Variants in MAN1B1 observed in about 807,000 individuals in gnomAD.
MAN1B1 encodes mannosidase alpha class 1B member 1.
MAN1B1 carries 66 observed loss-of-function variants against 75.5 expected under a neutral mutation model. The observed-to-expected ratio is 0.87, with a 90% CI of 0.72 to 1.07. The LOEUF is 1.07. MAN1B1 is among the 50% of genes least tolerant of loss of function. The pLI, the probability that MAN1B1 is intolerant of heterozygous loss-of-function variation, is 0.00. For missense variants in MAN1B1, 973 were observed against 912.5 expected, an observed-to-expected ratio of 1.07 and a Z score of -0.85; for synonymous variants, 453 against 382.8, an observed-to-expected ratio of 1.18 and a Z score of -2.14.
chr9:137,104,428 T>G (rs1390598759), intron 8 of MAN1B1: 3 of 289,504 alleles, frequency 1.0e-5, no homozygotes, highest in Non-Finnish European at 2.0e-5. Flanking sequence ...AGAGACAGGG[T>G]TTCACCAAGT....
intron 4 of MAN1B1, 66 bp downstream of exon 4, chr9:137,096,457 G>A (rs563678040): frequency 1.2e-5 from 19 of 1,553,138 alleles, no homozygotes; most frequent in East Asian, 7.1e-5. Context: ...ACAAGATTGC[G>A]GAAACGCATT....
In MAN1B1 at chr9:137,108,650, G is replaced by A; in HGVS notation, c.*59G>A. ...GGCAGAGGCACCTTGCTGGGTCTGT[G>A]GCATTTTCCAAGGGCCCACGTAGCA... On this transcript the variant is annotated 3_prime_UTR_variant, in exon 13 of 13. Coordinates refer to ENST00000371589, the MANE Select transcript of MAN1B1 (RefSeq NM_016219.5). 1 of 1,553,908 alleles carries A rather than the reference G, an allele frequency of 6.4e-7. No homozygotes were observed. The highest frequency in any genetic ancestry group is 8.9e-7 in the Non-Finnish European group (1 of 1,126,752).
At position 137,106,806 on chromosome 9, in the gene MAN1B1, G is replaced by A; in HGVS notation, c.1563G>A (p.Lys521=). The change falls in exon 10 of 13, where the codon AAG becomes AAA. Residue 521 remains lysine (K), a synonymous_variant. Transcript: ENST00000371589. ...GELAHGRFSA[K]MDHLVCFLPG... ...TTGCCCACGGCCGCTTCAGTGCCAA[G>A]ATGGTGAGTGTGTCTGCGGGGCCTT... is the stretch of plus-strand genomic sequence containing the variant. 6.2e-7 allele frequency: 1 copy of A among 1,613,292 alleles called. No individual in the cohort carries two copies. Among genetic ancestry groups the A allele is most frequent in the South Asian group, 1.1e-5 (1 of 91,088 alleles).
intron 6 of MAN1B1, among the ~76,000 whole-genome samples, 167 bp downstream of exon 6, chr9:137,100,048 C>G (rs922302842): frequency 1.3e-5 from 2 of 152,212 alleles, no homozygotes; most frequent in Non-Finnish European, 2.9e-5. Flanking sequence ...AGTTCCTGTT[C>G]TTGTCCAGCC....
chr9:137,107,122 C>T (rs1831139599), intron 10 of MAN1B1, 128 bp from the exon 11 acceptor site: 2 of 1,017,886 alleles, frequency 2.0e-6, no homozygotes, highest in Non-Finnish European at 2.9e-6. Context: ...GCCAAGTGCC[C>T]TCGCGTGGCC....
intron 3 of MAN1B1, among the ~76,000 whole-genome samples, chr9:137,091,729 T>C (rs906864457): frequency 1.3e-5 from 2 of 151,594 alleles, no homozygotes; most frequent in African/African-American, 2.4e-5. Context: ...GGTTTCACCG[T>C]GTTAGCCAGG....
chr9:137,108,677 C>A lies in MAN1B1; in HGVS notation c.*86C>A. Reference sequence around the variant, plus strand: ...CATTTTCCAAGGGCCCACGTAGCACCGGCAACCGCCAAGTGGCCCAGGCTC... The same window carrying A: ...CATTTTCCAAGGGCCCACGTAGCACAGGCAACCGCCAAGTGGCCCAGGCTC... On this transcript the variant is annotated 3_prime_UTR_variant, in exon 13 of 13. Coordinates refer to ENST00000371589, the MANE Select transcript of MAN1B1 (RefSeq NM_016219.5). 7.8e-7 allele frequency: 1 copy of A among 1,277,724 alleles called. No homozygotes were observed. Among genetic ancestry groups the A allele is most frequent in the Non-Finnish European group, 1.1e-6 (1 of 878,338 alleles). 79.1% of individuals were successfully genotyped at this position (1,277,724 alleles called of 1,614,324 possible). A position where few individuals can be genotyped will look rare whatever the true frequency, so the allele number is the denominator to read the frequency against.
intron 8 of MAN1B1, chr9:137,102,712 A>G (rs1830895814): frequency 2.4e-6 from 1 of 421,510 alleles, no homozygotes; most frequent in African/African-American, 2.7e-5. Context: ...GTGCTGTTAC[A>G]CACATTCATG....
chr9:137,101,852 C>T (rs573717782), intron 8 of MAN1B1, 180 bp downstream of exon 8: 70 of 801,928 alleles, frequency 8.7e-5, no homozygotes, highest in East Asian at 2.7e-4. Flanking sequence ...GTTACATTCA[C>T]GCTGTTGCAG....
intron 8 of MAN1B1, chr9:137,103,086 G>A: frequency 2.2e-6 from 1 of 448,200 alleles, no homozygotes; most frequent in Non-Finnish European, 4.5e-6. Flanking sequence ...CACACTTGCA[G>A]GCGTGCAGGT....
intron 8 of MAN1B1, chr9:137,105,262 G>A (rs1402230090): frequency 5.9e-5 from 9 of 152,866 alleles, no homozygotes; most frequent in Admixed American, 2.0e-4. Flanking sequence ...TCGAGTCCCT[G>A]TTTTTAATCA....
chr9:137,092,085 A>G lies in MAN1B1; in HGVS notation c.465+3080A>G, dbSNP rs548990784. 2.8e-4 allele frequency among the ~76,000 whole-genome samples: 43 copies of G among 151,498 alleles called. 1 individual carries two copies. The highest frequency in any genetic ancestry group is 9.4e-4 in the African/African-American group (39 of 41,372). Reference sequence around the variant, plus strand: ...TGAAACACTTGGTATATGTCTTTCAATTTATGTGGCTGGGTATGGTGGCTC... The same window carrying G: ...TGAAACACTTGGTATATGTCTTTCAGTTTATGTGGCTGGGTATGGTGGCTC... On this transcript the variant is annotated intron_variant, in intron 3 of 12. Transcript: ENST00000371589.
chr9:137,097,863 C>G lies in MAN1B1; in HGVS notation c.656C>G (p.Thr219Ser). 2 of 1,558,312 alleles carry G rather than the reference C, an allele frequency of 1.3e-6. No homozygotes were observed. Among genetic ancestry groups the G allele is most frequent in the East Asian group, 2.4e-5 (1 of 41,372 alleles). ...GCGGTGATCGAGCCTGAGCAGGGCACCGAGCTCCCTTCAAGAAGAGCAGAA... is the reference window on the plus strand; with the variant it reads ...GCGGTGATCGAGCCTGAGCAGGGCAGCGAGCTCCCTTCAAGAAGAGCAGAA... ...RGAVIEPEQG[T>S]ELPSRRAEVP... Residue 219 changes from threonine (T) to serine (S), a missense_variant, in exon 5 of 13, where the codon ACC becomes AGC. By Grantham distance (58) the Thr-to-Ser change is moderately conservative (BLOSUM62 1). Coordinates refer to ENST00000371589, the MANE Select transcript of MAN1B1 (RefSeq NM_016219.5).
At chr9:137,088,563 T>A in intron 2 of MAN1B1, 1 of 845,778 alleles carries the variant, frequency 1.2e-6, no homozygotes, top group Non-Finnish European at 1.8e-6. Flanking sequence ...TCACTTGGTC[T>A]AAGATGCTTC....
In MAN1B1 at chr9:137,108,709, G is replaced by A. The variant is rs767588420; in HGVS notation, c.*118G>A. ...CGCCAAGTGGCCCAGGCTCTGAACTGGCTCTGGGCTCCTCCTCGTCTCTGC... is the reference window on the plus strand; with the variant it reads ...CGCCAAGTGGCCCAGGCTCTGAACTAGCTCTGGGCTCCTCCTCGTCTCTGC... On this transcript the variant is annotated 3_prime_UTR_variant, in exon 13 of 13. Transcript: ENST00000371589. 4.4e-6 allele frequency: 4 copies of A among 917,170 alleles called. No individual in the cohort carries two copies. The highest frequency in any genetic ancestry group is 7.2e-6 in the Non-Finnish European group (4 of 558,754). 56.8% of individuals were successfully genotyped at this position (917,170 alleles called of 1,614,324 possible).
At chr9:137,103,156 G>T (rs1830941806) in intron 8 of MAN1B1, 2 of 374,328 alleles carry the variant, frequency 5.3e-6, no homozygotes, top group East Asian at 9.1e-5. Context: ...CATTCACACT[G>T]TTGCAGGCGT....
Position 137,105,613 on chromosome 9 carries a change from C to T in MAN1B1, c.1255-512C>T, listed in dbSNP as rs7023666. ...TGTGCCCCTCTGTGGGCCAGGACGC[C>T]TGGTGCTGCCAGCTGGGCGTAAGCC... On this transcript the variant is annotated intron_variant, in intron 8 of 12. Transcript: ENST00000371589. 384 of 319,176 alleles carry T rather than the reference C, an allele frequency of 1.2e-3. 3 individuals carry two copies. The highest frequency in any genetic ancestry group is 7.9e-3 in the African/African-American group (357 of 45,286). 19.8% of individuals were successfully genotyped at this position (319,176 alleles called of 1,614,324 possible). A position where few individuals can be genotyped will look rare whatever the true frequency, so the allele number is the denominator to read the frequency against.
chr9:137,108,363 T>C (rs1178388017), intron 12 of MAN1B1, 25 bp from the exon 13 acceptor site: 1 of 1,606,344 alleles, frequency 6.2e-7, no homozygotes, highest in South Asian at 1.1e-5. Context: ...CCCCGTGTGG[T>C]GACGAGGCCC....
intron 4 of MAN1B1, among the ~76,000 whole-genome samples, chr9:137,096,938 C>T (rs1384312333): frequency 1.3e-5 from 2 of 152,254 alleles, no homozygotes; most frequent in Non-Finnish European, 2.9e-5. Context: ...CAGACGTCCT[C>T]TCTCTTCTAC....
Sources: allele counts gnomAD v4.1 joint callset (sites outside exome capture counted in the v4.1 genomes callset), GRCh38; gene constraint gnomAD v4.1.1; transcripts MANE v1.5; gene names NCBI Gene and HGNC (gene_info 2026-07-23, HGNC 2026-07-21).